The following SMARCAL1 variants were observed in gnomAD, a reference collection of about 807,000 sequenced individuals.
SMARCAL1 encodes ATP-driven annealing helicase.
A neutral mutation model predicts 94.5 loss-of-function variants in SMARCAL1; 58 were observed. The observed-to-expected ratio is 0.61, with a 90% CI of 0.50 to 0.76. The LOEUF (loss-of-function observed/expected upper bound fraction) is 0.76. SMARCAL1 is among the 30% of genes least tolerant of loss of function. The probability of loss-of-function intolerance (pLI) is 0.00; values close to 1 mark genes in which losing one functional copy is unlikely to be tolerated. For synonymous variants in SMARCAL1, 422 were observed against 455.1 expected (o/e 0.93, Z 0.93); for missense variants, 1,051 against 1,177.9 (o/e 0.89, Z 1.58).
At chr2:216,461,289 A>G (rs1168372729) in intron 12 of SMARCAL1, among the ~76,000 whole-genome samples, 1 of 151,990 alleles carries the variant, frequency 6.6e-6, no homozygotes, top group African/African-American at 2.4e-5. Context: ...AAAAAGAATC[A>G]TCTTTTATAC....
intron 6 of SMARCAL1, among the ~76,000 whole-genome samples, chr2:216,426,876 G>T (rs1001767522): frequency 6.6e-6 from 1 of 152,174 alleles, no homozygotes; most frequent in Admixed American, 6.5e-5. Flanking sequence ...GTTAGTGAAC[G>T]TGTGCATAGG....
In SMARCAL1 at chr2:216,415,443, C is replaced by A. The variant is rs867970870; in HGVS notation, c.739C>A (p.Arg247Ser). Residue 247 changes from arginine (R) to serine (S), a missense_variant, in exon 3 of 18, where the codon CGT becomes AGT. Coordinates refer to ENST00000357276, the MANE Select transcript of SMARCAL1 (RefSeq NM_014140.4). ...GGGAAAGTGCGTAAGGAACGGCGATCGTTTCCAGGTGTTGATTGGGTACAA... is the reference window on the plus strand; with the variant it reads ...GGGAAAGTGCGTAAGGAACGGCGATAGTTTCCAGGTGTTGATTGGGTACAA... ...QKGKCVRNGD[R>S]FQVLIGYNAE... 1 of 1,614,002 alleles carries A rather than the reference C, an allele frequency of 6.2e-7. No homozygotes were observed. Among genetic ancestry groups the A allele is most frequent in the Non-Finnish European group, 8.5e-7 (1 of 1,180,054 alleles).
chr2:216,448,128 A>C (rs1230458387), intron 11 of SMARCAL1, among the ~76,000 whole-genome samples: 1 of 152,248 alleles, frequency 6.6e-6, no homozygotes, highest in African/African-American at 2.4e-5. Context: ...TAGCATAGTT[A>C]ATTGCAAACC....
intron 10 of SMARCAL1, among the ~76,000 whole-genome samples, chr2:216,441,192 G>A (rs923325517): frequency 3.9e-5 from 6 of 152,076 alleles, no homozygotes; most frequent in Admixed American, 6.6e-5. Flanking sequence ...CATACAGTTC[G>A]TTGGATAGCA....
chr2:216,440,758 T>A (rs1343173773), intron 10 of SMARCAL1, among the ~76,000 whole-genome samples: 2 of 152,154 alleles, frequency 1.3e-5, no homozygotes, highest in Non-Finnish European at 2.9e-5. Flanking sequence ...ATGGTACTGT[T>A]GACATTTTGG....
In SMARCAL1 at chr2:216,450,965, G is replaced by A. The variant is rs1191080990; in HGVS notation, c.1971G>A (p.Lys657=). The A allele has an allele frequency of 1.9e-6, 3 of 1,614,234 alleles. No individual in the cohort carries two copies. Among genetic ancestry groups the A allele is most frequent in the Non-Finnish European group, 1.7e-6 (2 of 1,180,034 alleles). The change falls in exon 12 of 18, where the codon AAG becomes AAA. Residue 657 remains lysine, a synonymous_variant. Coordinates refer to ENST00000357276, the MANE Select transcript of SMARCAL1 (RefSeq NM_014140.4). The stretch of plus-strand genomic sequence containing the variant: ...ACGTCCTTTCCCAGCTGCCTGCCAA[G>A]CAGCGCAAGATAGTGGTGATTGCCC... ...KSDVLSQLPA[K]QRKIVVIAPG...
intron 4 of SMARCAL1, among the ~76,000 whole-genome samples, chr2:216,417,805 A>G (rs1341184660): frequency 6.6e-6 from 1 of 152,240 alleles, no homozygotes; most frequent in African/African-American, 2.4e-5. Context: ...TGGTGATCTT[A>G]AACCAGTGGT....
In SMARCAL1 at chr2:216,475,602, A is replaced by G. The variant is rs781640543; in HGVS notation, c.2427+151A>G. The G allele has an allele frequency of 7.5e-6, 6 of 802,440 alleles. No individual in the cohort carries two copies. Among genetic ancestry groups the G allele is most frequent in the East Asian group, 2.6e-5 (1 of 37,794 alleles). The allele number at this position is 802,440 out of a possible 1,614,324, so 49.7% of individuals were successfully genotyped here. ...GTTTTCACTTCCTTTAAGCACTTCT[A>G]TGTTGATTGACTAGTCTCTTTTTTT... On this transcript the variant is annotated intron_variant, in intron 15 of 17. Coordinates refer to ENST00000357276, the MANE Select transcript of SMARCAL1 (RefSeq NM_014140.4). This position sits in a 1 kb window ranked among gnomAD's most constrained non-coding sequence, Gnocchi z 4.4.
intron 12 of SMARCAL1, among the ~76,000 whole-genome samples, chr2:216,462,207 C>T (rs1694721341): frequency 6.6e-6 from 1 of 152,220 alleles, no homozygotes. Flanking sequence ...CCTGAAAGTG[C>T]TTCTCAGCAG....
At chr2:216,424,347 A>T (rs1693786039) in intron 6 of SMARCAL1, among the ~76,000 whole-genome samples, 1 of 152,238 alleles carries the variant, frequency 6.6e-6, no homozygotes, top group Non-Finnish European at 1.5e-5. Flanking sequence ...CATATCTCAG[A>T]CTGTACCAGA....
At chr2:216,450,012 T>C (rs541797659) in intron 11 of SMARCAL1, among the ~76,000 whole-genome samples, 157 of 152,210 alleles carry the variant, frequency 1.0e-3, no homozygotes, top group African/African-American at 3.5e-3. Context: ...AATTTTTGTA[T>C]GTTTAGTAGA....
In SMARCAL1 at chr2:216,416,725, C is replaced by G. The variant is rs1479388839; in HGVS notation, c.862+418C>G. Among the ~76,000 whole-genome samples, 3 of 152,188 alleles carry G rather than the reference C, an allele frequency of 2.0e-5. No individual in the cohort carries two copies. The East Asian group carries it at 5.8e-4, about 29-fold the overall frequency. ...ACGTTCCCACCAGACTATGCTGGCC[C>G]CAGCAGTGACAGGCAGCTCAGGCAG... On this transcript the variant is annotated intron_variant, in intron 4 of 17. Transcript: ENST00000357276.
At chr2:216,480,452 T>C (rs1028313345) in intron 17 of SMARCAL1, among the ~76,000 whole-genome samples, 12 of 152,208 alleles carry the variant, frequency 7.9e-5, no homozygotes, top group African/African-American at 2.7e-4. Flanking sequence ...CATTAGCAGC[T>C]TTTTCTACTT....
chr2:216,424,609 CTCCT>C (rs1222896571), intron 6 of SMARCAL1, among the ~76,000 whole-genome samples: 5 of 152,186 alleles, frequency 3.3e-5, no homozygotes. Context: ...TTCCTTTTGT[CTCCT>C]TCTTATGTGA....
intron 9 of SMARCAL1, among the ~76,000 whole-genome samples, chr2:216,435,740 T>G (rs2106037498): frequency 6.6e-6 from 1 of 152,300 alleles, no homozygotes; most frequent in South Asian, 2.1e-4. Context: ...AATTAGTCTT[T>G]GCTGGGGATT....
intron 17 of SMARCAL1, 116 bp downstream of exon 17, chr2:216,478,415 C>T (rs1695134468): frequency 1.2e-6 from 1 of 802,296 alleles, no homozygotes; most frequent in South Asian, 1.4e-5. Flanking sequence ...CTCCCCCAGC[C>T]TAGAGCTGAA....
intron 12 of SMARCAL1, among the ~76,000 whole-genome samples, chr2:216,463,538 T>TAA (rs1694755490): frequency 2.6e-5 from 4 of 152,086 alleles, no homozygotes; most frequent in African/African-American, 9.7e-5. Context: ...CTCTTACCAA[T>TAA]GATGGTAAGA....
At chr2:216,420,253 T>C in intron 4 of SMARCAL1, 46 bp from the exon 5 acceptor site, 1 of 1,494,996 alleles carries the variant, frequency 6.7e-7, no homozygotes, top group South Asian at 1.2e-5. Flanking sequence ...AGCCACATCA[T>C]AGTCCCCTGC....
At chr2:216,470,135 G>T (rs1321537619) in intron 14 of SMARCAL1, among the ~76,000 whole-genome samples, 1 of 151,904 alleles carries the variant, frequency 6.6e-6, no homozygotes, top group Non-Finnish European at 1.5e-5. Flanking sequence ...TGTTTTATCA[G>T]TTATCTTTTT....
Sources: gnomAD v4.1 joint callset for allele counts (sites outside exome capture counted in the v4.1 genomes callset) on GRCh38, gnomAD v4.1.1 for gene constraint, Gnocchi (gnomAD v3.1) non-coding constraint, MANE v1.5 for transcripts, NCBI Gene and HGNC (gene_info 2026-07-23, HGNC 2026-07-21) for gene names.